Variants in ZNF608 observed in about 807,000 individuals in gnomAD.
The protein encoded by ZNF608 is zinc finger protein 608.
Under a neutral mutation model 109.0 loss-of-function variants are expected in ZNF608, and 12 were observed. That is an observed-to-expected ratio of 0.11 (90% CI 0.07 to 0.18). The LOEUF (loss-of-function observed/expected upper bound fraction) is 0.18. ZNF608 is among the 10% of genes least tolerant of loss of function. ZNF608 has a pLI of 1.00. For synonymous variants in ZNF608, 732 were observed against 717.4 expected (o/e 1.02, Z -0.33); for missense variants, 1,707 against 1,879.3 (o/e 0.91, Z 1.70).
upstream of ZNF608, chr5:124,746,738 G>A (rs1313298340): frequency 3.0e-6 from 3 of 985,008 alleles, no homozygotes; most frequent in African/African-American, 1.8e-5. Flanking sequence ...TGTTAGTCGG[G>A]AAGTGGCATT....
intron 3 of ZNF608, among the ~76,000 whole-genome samples, chr5:124,655,254 A>C (rs1048244191): frequency 5.9e-5 from 9 of 152,212 alleles, no homozygotes; most frequent in African/African-American, 1.9e-4. Context: ...TATTTCTGGT[A>C]TTTGTGAAGC....
At chr5:124,747,861 G>A (rs923929202), upstream of ZNF608, among the ~76,000 whole-genome samples, 1 of 152,130 alleles carries the variant, frequency 6.6e-6, no homozygotes, top group African/African-American at 2.4e-5. Flanking sequence ...GGGTATCTCC[G>A]AGCTACTTGG....
intron 2 of ZNF608, among the ~76,000 whole-genome samples, chr5:124,741,379 T>C (rs2149904527): frequency 7.7e-6 from 1 of 129,082 alleles, no homozygotes; most frequent in African/African-American, 3.0e-5. Context: ...GAATCTCCTG[T>C]GAACCTTCCA....
chr5:124,688,945 C>T (rs1314344833), intron 3 of ZNF608, among the ~76,000 whole-genome samples: 1 of 151,994 alleles, frequency 6.6e-6, no homozygotes, highest in African/African-American at 2.4e-5. Context: ...AGCAAGGATG[C>T]AGGATATAAG....
intron 2 of ZNF608, among the ~76,000 whole-genome samples, chr5:124,722,651 C>T (rs901882406): frequency 6.6e-6 from 1 of 151,502 alleles, no homozygotes; most frequent in East Asian, 1.9e-4. Flanking sequence ...TTCCTAACAT[C>T]TCCCTTTTGA....
At chr5:124,706,630 T>C (rs911400928) in intron 2 of ZNF608, among the ~76,000 whole-genome samples, 1 of 152,182 alleles carries the variant, frequency 6.6e-6, no homozygotes, top group Non-Finnish European at 1.5e-5. Flanking sequence ...GTTTTAGCAA[T>C]GGTTTCTTTG....
At chr5:124,677,032 AC>A (rs1751975513) in intron 3 of ZNF608, among the ~76,000 whole-genome samples, 1 of 152,238 alleles carries the variant, frequency 6.6e-6, no homozygotes, top group African/African-American at 2.4e-5. Context: ...TAGGAAATAT[AC>A]GTTTGCTTTC....
rs772952233 is a variant in ZNF608, at chr5:124,639,165, T to C, written c.4500A>G (p.Ala1500=). 1.9e-6 allele frequency: 3 copies of C among 1,614,224 alleles called. No homozygotes were observed. Among genetic ancestry groups the C allele is most frequent in the South Asian group, 1.1e-5 (1 of 91,084 alleles). Residue 1500 remains alanine, a synonymous_variant, in exon 9 of 10, where the codon GCA becomes GCG. Coordinates refer to ENST00000513986, the MANE Select transcript of ZNF608 (RefSeq NM_020747.3). The part of the protein sequence containing the change: ...LVASQQVAAQ[A]SASGMFPGQR... ...GTCCAGGAAACATTCCAGATGCAGA[T>C]GCCTGGGCAGCCACCTGCTGAGAGG...
At chr5:124,739,718 C>T (rs1233513427) in intron 2 of ZNF608, among the ~76,000 whole-genome samples, 1 of 152,106 alleles carries the variant, frequency 6.6e-6, no homozygotes, top group Non-Finnish European at 1.5e-5. Flanking sequence ...CTATGAAGTA[C>T]CAGGTGAACT....
intron 3 of ZNF608, among the ~76,000 whole-genome samples, chr5:124,679,795 C>T (rs1203188886): frequency 2.0e-5 from 3 of 152,178 alleles, no homozygotes; most frequent in African/African-American, 7.2e-5. Context: ...TACCACAGAA[C>T]ATAGCAGTGT....
chr5:124,732,772 T>C (rs1349154558), intron 2 of ZNF608, among the ~76,000 whole-genome samples: 1 of 152,120 alleles, frequency 6.6e-6, no homozygotes, highest in Non-Finnish European at 1.5e-5. Flanking sequence ...AACCACCCTC[T>C]TTCCCACACA....
chr5:124,722,408 G>A (rs1488220992), intron 2 of ZNF608, among the ~76,000 whole-genome samples: 1 of 152,158 alleles, frequency 6.6e-6, no homozygotes, highest in Non-Finnish European at 1.5e-5. Context: ...GGAAACATCA[G>A]TAAGTGTATT....
chr5:124,726,662 T>TAAAAA (rs142658513), intron 2 of ZNF608, among the ~76,000 whole-genome samples: 1 of 135,572 alleles, frequency 7.4e-6, no homozygotes, highest in Non-Finnish European at 1.6e-5. Flanking sequence ...AAGATTTGTT[T>TAAAAA]AAAAAAAAAA....
chr5:124,747,725 A>C (rs182679707), upstream of ZNF608, among the ~76,000 whole-genome samples: 4 of 152,142 alleles, frequency 2.6e-5, no homozygotes, highest in African/African-American at 9.6e-5. Flanking sequence ...GAAGGAGCGA[A>C]ATGTAATGAG....
intron 3 of ZNF608, among the ~76,000 whole-genome samples, chr5:124,670,050 C>CT (rs1336364138): frequency 2.0e-5 from 3 of 152,086 alleles, no homozygotes; most frequent in Non-Finnish European, 4.4e-5. Flanking sequence ...AGGCTGAGAG[C>CT]TTTTTATCTG....
chr5:124,648,455 C>T lies in ZNF608; in HGVS notation c.1929G>A (p.Leu643=). ...TAATGGAACCTGGGCCATTGCTCATCAGCTCTCTCTTTCCCTTTGGGGTCC... is the reference window on the plus strand; with the variant it reads ...TAATGGAACCTGGGCCATTGCTCATTAGCTCTCTCTTTCCCTTTGGGGTCC... ...PPGTPKGKRE[L]MSNGPGSIIG... Residue 643 remains leucine (L), a synonymous_variant, in exon 5 of 10, where the codon CTG becomes CTA. Coordinates refer to ENST00000513986, the MANE Select transcript of ZNF608 (RefSeq NM_020747.3). The T allele has an allele frequency of 6.2e-7, 1 of 1,614,188 alleles. No individual in the cohort carries two copies. Among genetic ancestry groups the T allele is most frequent in the African/African-American group, 1.3e-5 (1 of 75,046 alleles).
chr5:124,740,405 C>A (rs552590704), intron 2 of ZNF608, among the ~76,000 whole-genome samples: 2 of 151,740 alleles, frequency 1.3e-5, no homozygotes, highest in Non-Finnish European at 2.9e-5. Context: ...TGCTGTCCGA[C>A]AACAATGGAC....
intron 3 of ZNF608, among the ~76,000 whole-genome samples, chr5:124,684,206 G>A (rs1467969528): frequency 6.6e-6 from 1 of 152,188 alleles, no homozygotes; most frequent in Non-Finnish European, 1.5e-5. Context: ...CTGGCATGAA[G>A]AGCACCTTAA....
chr5:124,740,961 A>G lies in ZNF608; in HGVS notation c.906+3123T>C, dbSNP rs548863983. Reference sequence around the variant, plus strand: ...AAGTCAAAACTGTAAGATGGCTAGGAGGATACATAAAGAAGAGCTTCAATA... The same window carrying G: ...AAGTCAAAACTGTAAGATGGCTAGGGGGATACATAAAGAAGAGCTTCAATA... On this transcript the variant is annotated intron_variant, in intron 2 of 9. Transcript: ENST00000513986. Among the ~76,000 whole-genome samples, 6 of 152,338 alleles carry G rather than the reference A, an allele frequency of 3.9e-5. No homozygotes were observed. In the South Asian group the frequency reaches 1.2e-3, roughly 32 times the overall value.
Sources: gnomAD v4.1 joint callset for allele counts (sites outside exome capture counted in the v4.1 genomes callset) on GRCh38, gnomAD v4.1.1 for gene constraint, MANE v1.5 for transcripts, NCBI Gene and HGNC (gene_info 2026-07-23, HGNC 2026-07-21) for gene names.